Variants in VPS53 observed in about 807,000 individuals in gnomAD.
The protein encoded by VPS53 is VPS53 subunit of GARP complex, also known as vacuolar protein sorting-associated protein 53 homolog.
VPS53 carries 70 observed loss-of-function variants against 107.0 expected under a neutral mutation model. That is an observed-to-expected ratio of 0.65 (90% CI 0.54 to 0.80). The LOEUF (loss-of-function observed/expected upper bound fraction) is 0.80. Among genes scored for constraint, VPS53 ranks in the 30% least tolerant of loss-of-function variants. The pLI is 0.00. For synonymous variants in VPS53, 409 were observed against 393.3 expected (o/e 1.04, Z -0.47); for missense variants, 917 against 1,049.4 (o/e 0.87, Z 1.74).
intron 18 of VPS53, among the ~76,000 whole-genome samples, chr17:534,996 A>T (rs927853733): frequency 4.0e-5 from 6 of 151,616 alleles, no homozygotes; most frequent in African/African-American, 1.5e-4. Context: ...TGGGGGGAGT[A>T]TGAGGACCTG....
chr17:669,675 T>C (rs990705849), intron 4 of VPS53, among the ~76,000 whole-genome samples: 2 of 149,950 alleles, frequency 1.3e-5, no homozygotes, highest in Non-Finnish European at 3.0e-5. Flanking sequence ...AGGTGGATCA[T>C]GAGGTCAAGA....
At chr17:672,153 A>ACACACACAC (rs1193028603) in intron 4 of VPS53, among the ~76,000 whole-genome samples, 1,028 of 57,534 alleles carry the variant, frequency 0.018, no homozygotes, top group Middle Eastern at 0.029. Flanking sequence ...CACACACACA[A>ACACACACAC]TCTCTCTCTC....
intron 4 of VPS53, among the ~76,000 whole-genome samples, chr17:672,810 C>T (rs1462444965): frequency 6.6e-6 from 1 of 152,000 alleles, no homozygotes; most frequent in Non-Finnish European, 1.5e-5. Context: ...ATACAAAGAG[C>T]GATGAATAAA....
intron 13 of VPS53, among the ~76,000 whole-genome samples, chr17:582,059 C>T (rs1177619551): frequency 6.6e-6 from 1 of 151,522 alleles, no homozygotes; most frequent in East Asian, 2.0e-4. Context: ...TCCCTCAGAA[C>T]CTCAGTGCAA....
intron 13 of VPS53, among the ~76,000 whole-genome samples, chr17:579,460 C>T (rs1448588834): frequency 3.3e-5 from 5 of 150,446 alleles, no homozygotes; most frequent in African/African-American, 4.9e-5. Flanking sequence ...GAACCTAATG[C>T]GTTCCCACAG....
At chr17:622,372 A>G (rs1969504884) in intron 11 of VPS53, among the ~76,000 whole-genome samples, 1 of 137,692 alleles carries the variant, frequency 7.3e-6, no homozygotes, top group South Asian at 2.6e-4. Flanking sequence ...TTGCTTCTCT[A>G]TTGTTACCCG....
chr17:622,174 T>A (rs1443853445), intron 11 of VPS53, among the ~76,000 whole-genome samples: 1 of 151,860 alleles, frequency 6.6e-6, no homozygotes, highest in Non-Finnish European at 1.5e-5. Flanking sequence ...ATCGCCCCAC[T>A]GCACTCCAGC....
At chr17:521,870 CAG>C (rs1257002021) in intron 19 of VPS53, 132 bp from the exon 20 acceptor site, 4 of 1,124,252 alleles carry the variant, frequency 3.6e-6, no homozygotes, top group Non-Finnish European at 1.2e-6. Flanking sequence ...GGGAAATAAA[CAG>C]AAATATAAAA....
At chr17:554,505 G>C (rs1912158707) in intron 15 of VPS53, among the ~76,000 whole-genome samples, 1 of 152,166 alleles carries the variant, frequency 6.6e-6, no homozygotes, top group South Asian at 2.1e-4. Context: ...CAGGGTTTAA[G>C]TGATTCTCCT....
intron 11 of VPS53, among the ~76,000 whole-genome samples, chr17:610,838 T>G (rs1480034356): frequency 6.7e-6 from 1 of 150,332 alleles, no homozygotes; most frequent in Non-Finnish European, 1.5e-5. Flanking sequence ...CCCAGGAGAC[T>G]GAGGTCCGAG....
At position 537,056 on chromosome 17, in the gene VPS53, A is replaced by C. The variant is rs1186952464; in HGVS notation, c.1987T>G (p.Phe663Val). ...GCAAATTTAACGCAGAACTGAGTGAAGTACTTGCGTGTGGAAGCCAGGTTG... is the reference window on the plus strand; with the variant it reads ...GCAAATTTAACGCAGAACTGAGTGACGTACTTGCGTGTGGAAGCCAGGTTG... ...RDNLASTRKYFTQFCVKFANS... is the reference protein window; with the variant it reads ...RDNLASTRKYVTQFCVKFANS... The change falls in exon 18 of 22, where the codon TTC becomes GTC. Residue 663 changes from phenylalanine to valine, a missense_variant. Transcript: ENST00000437048. 2 of 1,614,208 alleles carry C rather than the reference A, an allele frequency of 1.2e-6. No homozygotes were observed. Among genetic ancestry groups the C allele is most frequent in the East Asian group, 2.2e-5 (1 of 44,884 alleles).
chr17:594,066 AC>A, intron 12 of VPS53, among the ~76,000 whole-genome samples: 1 of 152,064 alleles, frequency 6.6e-6, no homozygotes, highest in Admixed American at 6.5e-5. Context: ...AGAACAAAAA[AC>A]CAAACACCGC....
At chr17:690,028 T>C (rs1972725289) in intron 4 of VPS53, among the ~76,000 whole-genome samples, 1 of 152,128 alleles carries the variant, frequency 6.6e-6, no homozygotes. Context: ...TCTGGCACTT[T>C]GCGCTGAAGT....
chr17:559,092 T>C (rs747405148), intron 15 of VPS53, among the ~76,000 whole-genome samples: 4 of 152,158 alleles, frequency 2.6e-5, no homozygotes, highest in Non-Finnish European at 5.9e-5. Flanking sequence ...CCTGTAATGA[T>C]AGTTATGATT....
At chr17:648,101 G>T (rs1458812078) in intron 7 of VPS53, among the ~76,000 whole-genome samples, 2 of 152,150 alleles carry the variant, frequency 1.3e-5, no homozygotes, top group East Asian at 3.9e-4. Context: ...TCAGCTGCTG[G>T]GACACCCACC....
At chr17:547,655 T>C (rs1911337450) in intron 17 of VPS53, among the ~76,000 whole-genome samples, 1 of 152,168 alleles carries the variant, frequency 6.6e-6, no homozygotes, top group African/African-American at 2.4e-5. Flanking sequence ...TATTTATTTA[T>C]AAAATAGAGT....
chr17:617,837 G>C (rs1597387525), intron 11 of VPS53, among the ~76,000 whole-genome samples: 1 of 87,958 alleles, frequency 1.1e-5, no homozygotes, highest in African/African-American at 4.8e-5. Context: ...GGGTAGCTGG[G>C]ACTACAGGCG....
chr17:663,453 G>A (rs899072550), intron 4 of VPS53, among the ~76,000 whole-genome samples: 4 of 152,170 alleles, frequency 2.6e-5, no homozygotes, highest in African/African-American at 9.7e-5. Flanking sequence ...AAGTACCTGT[G>A]AGTGCCAGCA....
At chr17:572,600 G>T (rs1041845526) in intron 13 of VPS53, among the ~76,000 whole-genome samples, 1 of 151,870 alleles carries the variant, frequency 6.6e-6, no homozygotes, top group East Asian at 1.9e-4. Flanking sequence ...GGGAAAGGTG[G>T]GGAAAAGATT....
Sources: allele counts gnomAD v4.1 joint callset (sites outside exome capture counted in the v4.1 genomes callset), GRCh38; gene constraint gnomAD v4.1.1; transcripts MANE v1.5; gene names NCBI Gene and HGNC (gene_info 2026-07-23, HGNC 2026-07-21).